Variants in ZFHX3 observed in about 807,000 individuals in gnomAD.
ZFHX3 encodes zinc finger homeobox protein 3.
In ZFHX3, 42 loss-of-function variants were observed where a neutral mutation model predicts 279.1. That is an observed-to-expected ratio of 0.15 (90% CI 0.12 to 0.19). ZFHX3 has a LOEUF of 0.19. Ranked by LOEUF, ZFHX3 falls within the 10% of genes least tolerant of loss-of-function variation. The pLI, the probability that ZFHX3 is intolerant of heterozygous loss-of-function variation, is 1.00. For synonymous variants in ZFHX3, 2,293 were observed against 1,957.8 expected, an observed-to-expected ratio of 1.17 and a Z score of -4.52; for missense variants, 4,981 against 4,754.0, an observed-to-expected ratio of 1.05 and a Z score of -1.40.
At chr16:72,988,767 T>TA (rs1204384837) in intron 1 of ZFHX3, among the ~76,000 whole-genome samples, 3 of 152,272 alleles carry the variant, frequency 2.0e-5, no homozygotes, top group Non-Finnish European at 4.4e-5. Context: ...GCATATGCTA[T>TA]AAATTTAAAT....
intron 1 of ZFHX3, among the ~76,000 whole-genome samples, chr16:73,863,214 C>T (rs557079333): frequency 6.6e-6 from 1 of 151,946 alleles, no homozygotes; most frequent in African/African-American, 2.4e-5. Context: ...TCAAAATAAA[C>T]AAATAAATAA....
chr16:73,384,531 A>G (rs7203059), intron 3 of ZFHX3, among the ~76,000 whole-genome samples: 16,548 of 152,308 alleles, frequency 0.11, 944 homozygotes, highest in Middle Eastern at 0.18. Flanking sequence ...ATGATGAACC[A>G]TTAAACATTA....
chr16:73,817,443 T>C (rs328345), intron 1 of ZFHX3, among the ~76,000 whole-genome samples: 66,029 of 152,094 alleles, frequency 0.43, 14,770 homozygotes, highest in African/African-American at 0.55. Flanking sequence ...AGTACATAGT[T>C]GGCTATTATC....
intron 1 of ZFHX3, among the ~76,000 whole-genome samples, chr16:73,022,279 A>G (rs1964328786): frequency 6.6e-6 from 1 of 152,194 alleles, no homozygotes; most frequent in Non-Finnish European, 1.5e-5. Context: ...CAAGGCTGGA[A>G]GCTCTCGCTG....
At chr16:73,736,031 C>T (rs2142254805) in intron 1 of ZFHX3, among the ~76,000 whole-genome samples, 1 of 152,152 alleles carries the variant, frequency 6.6e-6, no homozygotes, top group South Asian at 2.1e-4. Context: ...CACAGCTCTT[C>T]CTGCTAGATC....
At chr16:73,797,365 T>A (rs1342995832) in intron 1 of ZFHX3, among the ~76,000 whole-genome samples, 2 of 152,230 alleles carry the variant, frequency 1.3e-5, no homozygotes, top group Non-Finnish European at 2.9e-5. Context: ...TTTCCTGACC[T>A]GCTCCTGTAG....
intron 4 of ZFHX3, among the ~76,000 whole-genome samples, chr16:72,877,047 C>T (rs1490075677): frequency 2.6e-5 from 4 of 152,180 alleles, no homozygotes; most frequent in East Asian, 1.9e-4. Flanking sequence ...TGCCCCTGCA[C>T]GCCATCTACC....
Position 73,820,074 on chromosome 16 carries a change from G to A in ZFHX3, c.-1608+71577C>T, listed in dbSNP as rs117643497. On this transcript the variant is annotated intron_variant, in intron 1 of 17. Transcript: ENST00000641206. ...ACAAATGCAACATGGCAGAAGTGACGCAGGGCCAGTACTGGGAGTAAGTCT... is the reference window on the plus strand; with the variant it reads ...ACAAATGCAACATGGCAGAAGTGACACAGGGCCAGTACTGGGAGTAAGTCT... Among the ~76,000 whole-genome samples, 1,413 of 152,198 alleles carry A rather than the reference G, an allele frequency of 9.3e-3. 8 individuals are homozygous for A. Among genetic ancestry groups the A allele is most frequent in the Non-Finnish European group, 0.013 (903 of 67,996 alleles).
chr16:73,820,472 G>T (rs1319414871), intron 1 of ZFHX3, among the ~76,000 whole-genome samples: 1 of 152,048 alleles, frequency 6.6e-6, no homozygotes, highest in Non-Finnish European at 1.5e-5. Flanking sequence ...CATACCATGA[G>T]ATTCACAGTT....
chr16:72,890,734 T>C (rs1320308210), intron 3 of ZFHX3, among the ~76,000 whole-genome samples: 2 of 152,208 alleles, frequency 1.3e-5, no homozygotes, highest in East Asian at 3.8e-4. Flanking sequence ...AGATCAGGGG[T>C]TGGCAAACTA....
intron 1 of ZFHX3, among the ~76,000 whole-genome samples, chr16:73,879,855 A>G (rs147652877): frequency 6.6e-6 from 1 of 152,028 alleles, no homozygotes; most frequent in Non-Finnish European, 1.5e-5. Context: ...AAAGCAATCA[A>G]CAAGGTCTCC....
At chr16:72,897,221 C>A (rs2038921785) in intron 3 of ZFHX3, among the ~76,000 whole-genome samples, 1 of 152,230 alleles carries the variant, frequency 6.6e-6, no homozygotes, top group Non-Finnish European at 1.5e-5. Flanking sequence ...CAGGGAAAGA[C>A]AGCAACCACA....
Position 72,797,328 on chromosome 16 carries a change from T to G in ZFHX3, c.5354A>C (p.Glu1785Ala). The change falls in exon 9 of 10, where the codon GAG (glutamate) becomes GCG (alanine). Residue 1785 changes from glutamate to alanine, a missense_variant. Coordinates refer to ENST00000268489, the MANE Select transcript of ZFHX3 (RefSeq NM_006885.4). The stretch of plus-strand genomic sequence containing the variant: ...CTGCTGCTGTAGTTGCAGCAGGGTC[T>G]CAGTTGTCATGGGGAAGTGAGGAAG... ...TLLPHFPMTT[E>A]TLLQLQQQQH... The G allele has an allele frequency of 1.2e-6, 2 of 1,603,042 alleles. No homozygotes were observed. Among genetic ancestry groups the G allele is most frequent in the Non-Finnish European group, 1.7e-6 (2 of 1,173,978 alleles).
At chr16:73,738,852 C>T (rs545952416) in intron 1 of ZFHX3, among the ~76,000 whole-genome samples, 7 of 152,134 alleles carry the variant, frequency 4.6e-5, no homozygotes, top group Non-Finnish European at 7.4e-5. Context: ...TGAGGAGGCA[C>T]CCGTGGAAGA....
At chr16:73,332,476 A>G (rs2015824428) in intron 3 of ZFHX3, among the ~76,000 whole-genome samples, 1 of 152,196 alleles carries the variant, frequency 6.6e-6, no homozygotes, top group Non-Finnish European at 1.5e-5. Context: ...AGGGTTATAC[A>G]TCTTCCCAGC....
At chr16:73,824,454 GGTTA>G (rs1406613505) in intron 1 of ZFHX3, among the ~76,000 whole-genome samples, 1 of 132,450 alleles carries the variant, frequency 7.6e-6, no homozygotes, top group Non-Finnish European at 1.6e-5. Flanking sequence ...ACATTGTGCA[GGTTA>G]GTTACATATG....
chr16:73,147,558 A>T (rs796159053), intron 5 of ZFHX3, among the ~76,000 whole-genome samples: 1 of 138,542 alleles, frequency 7.2e-6, no homozygotes, highest in Admixed American at 7.2e-5. Flanking sequence ...CGGGCGTGGT[A>T]GCGGGCGCCT....
chr16:73,511,158 T>C (rs1160056281), intron 2 of ZFHX3, among the ~76,000 whole-genome samples: 2 of 152,192 alleles, frequency 1.3e-5, no homozygotes, highest in Non-Finnish European at 2.9e-5. Flanking sequence ...TACCTTTTAT[T>C]ATCTGGGTAA....
At chr16:73,053,614 G>A (rs1193959469) in intron 1 of ZFHX3, among the ~76,000 whole-genome samples, 1 of 152,114 alleles carries the variant, frequency 6.6e-6, no homozygotes, top group Non-Finnish European at 1.5e-5. Context: ...AAATACCAGG[G>A]CGAGTGGATG....
Sources: allele counts gnomAD v4.1 joint callset (sites outside exome capture counted in the v4.1 genomes callset), GRCh38; gene constraint gnomAD v4.1.1; transcripts MANE v1.5; gene names NCBI Gene and HGNC (gene_info 2026-07-23, HGNC 2026-07-21).